The following MBD5 variants were observed in gnomAD, a reference collection of about 807,000 sequenced individuals.
The protein encoded by MBD5 is methyl-CpG-binding domain protein 5.
In MBD5, 13 loss-of-function variants were observed where a neutral mutation model predicts 117.3. The ratio of observed to expected loss-of-function variants is 0.11; its 90% CI spans 0.07 to 0.18. The LOEUF (loss-of-function observed/expected upper bound fraction) is 0.18. MBD5 is among the 10% of genes least tolerant of loss of function. The pLI is 1.00. For missense variants in MBD5, 1,879 were observed against 2,093.8 expected (o/e 0.90, Z 2.00); for synonymous variants, 727 against 766.4 (o/e 0.95, Z 0.85).
chr2:148,215,685 C>T (rs1382573081), intron 2 of MBD5, among the ~76,000 whole-genome samples: 1 of 125,558 alleles, frequency 8.0e-6, no homozygotes, highest in African/African-American at 3.2e-5. Flanking sequence ...CCATGCCCGG[C>T]TAATTTTTTT....
rs140522551 is a variant in MBD5, at chr2:148,462,651, G to A, written c.183G>A (p.Lys61=). The part of the protein sequence containing the change: ...KTYLLTDGTC[K]CGLECPLILP... ...ACCTGCTTACTGATGGAACATGCAAGTGTGGCTTGGAATGTCCTCTTATTC... is the reference window on the plus strand; with the variant it reads ...ACCTGCTTACTGATGGAACATGCAAATGTGGCTTGGAATGTCCTCTTATTC... The change falls in exon 6 of 14, where the codon AAG becomes AAA. Residue 61 remains lysine (K), a synonymous_variant. Coordinates refer to ENST00000642680, the MANE Select transcript of MBD5 (RefSeq NM_001378120.1). 13 of 1,612,628 alleles carry A rather than the reference G, an allele frequency of 8.1e-6. No homozygotes were observed. The highest frequency in any genetic ancestry group is 1.6e-4 in the Middle Eastern group (1 of 6,076).
chr2:148,182,473 T>A (rs776922494), intron 2 of MBD5, among the ~76,000 whole-genome samples: 2 of 152,200 alleles, frequency 1.3e-5, no homozygotes, highest in South Asian at 4.1e-4. Context: ...ATCTATATTT[T>A]TAAGTTAAAT....
chr2:148,206,808 G>A lies in MBD5; in HGVS notation c.-830-26437G>A, dbSNP rs144333479. Among the ~76,000 whole-genome samples the A allele has an allele frequency of 5.0e-4, 76 of 152,276 alleles. No individual in the cohort carries two copies. The East Asian group carries it at 0.014, about 27-fold the overall frequency. ...TTCAGTCAACAAAAATGTTAAGTGAGGTGAACACAGTCTCATTGTGAATAC... is the reference window on the plus strand; with the variant it reads ...TTCAGTCAACAAAAATGTTAAGTGAAGTGAACACAGTCTCATTGTGAATAC... On this transcript the variant is annotated intron_variant, in intron 2 of 13. Transcript: ENST00000642680.
chr2:148,490,567 A>C lies in MBD5; in HGVS notation c.4935A>C (p.Ser1645=), dbSNP rs149419174. The stretch of plus-strand genomic sequence containing the variant: ...TAAGAGAAGACGACGTTCACAATTC[A>C]TGTCAACAAAGCCCCGAGGAAGGGA... ...KLVREDDVHN[S]CQQSPEEGKV... The change falls in exon 11 of 14, where the codon TCA becomes TCC. Residue 1645 remains serine (S), a synonymous_variant. Transcript: ENST00000642680. The C allele has an allele frequency of 9.3e-6, 15 of 1,614,106 alleles. No homozygotes were observed. Among genetic ancestry groups the C allele is most frequent in the Non-Finnish European group, 1.3e-5 (15 of 1,180,036 alleles).
chr2:148,175,468 G>A (rs570317598), intron 1 of MBD5, among the ~76,000 whole-genome samples: 1 of 152,208 alleles, frequency 6.6e-6, no homozygotes, highest in Admixed American at 6.5e-5. Flanking sequence ...GATTGCACAG[G>A]AATAATAGAA....
chr2:148,200,031 C>G (rs1699098224), intron 2 of MBD5, among the ~76,000 whole-genome samples: 1 of 152,132 alleles, frequency 6.6e-6, no homozygotes, highest in Non-Finnish European at 1.5e-5. Context: ...TGCATATCCT[C>G]TTTTAAAATT....
chr2:148,307,991 A>G (rs1205201906), intron 3 of MBD5, among the ~76,000 whole-genome samples: 10 of 152,098 alleles, frequency 6.6e-5, no homozygotes, highest in Non-Finnish European at 1.5e-4. Context: ...TTACAGCTGC[A>G]TAGTATTCCA....
chr2:148,390,625 G>T (rs187827324), intron 4 of MBD5, among the ~76,000 whole-genome samples: 21 of 151,518 alleles, frequency 1.4e-4, no homozygotes, highest in Admixed American at 8.6e-4. Flanking sequence ...GCCCAGGCTG[G>T]AGTATAATGG....
intron 1 of MBD5, among the ~76,000 whole-genome samples, chr2:148,103,615 TG>T (rs1300914880): frequency 6.6e-6 from 1 of 152,184 alleles, no homozygotes; most frequent in Admixed American, 6.5e-5. Flanking sequence ...GCCCTTTCTT[TG>T]TTCTAGACCA....
chr2:148,112,870 G>A (rs529965141), intron 1 of MBD5, among the ~76,000 whole-genome samples: 21 of 152,208 alleles, frequency 1.4e-4, no homozygotes, highest in Admixed American at 7.2e-4. Context: ...TCATTGGCCA[G>A]GCATGGTGGC....
chr2:148,406,931 A>G (rs1705097011), intron 4 of MBD5, among the ~76,000 whole-genome samples: 1 of 151,854 alleles, frequency 6.6e-6, no homozygotes, highest in Non-Finnish European at 1.5e-5. Context: ...GCTCTCTTGA[A>G]CCCTTATTTC....
At chr2:148,354,596 A>C (rs1276336199) in intron 4 of MBD5, among the ~76,000 whole-genome samples, 1 of 152,218 alleles carries the variant, frequency 6.6e-6, no homozygotes, top group Admixed American at 6.5e-5. Flanking sequence ...GTGTCTTTAT[A>C]GTAGAATGAT....
chr2:148,182,177 A>G lies in MBD5; in HGVS notation c.-831+3384A>G, dbSNP rs182843972. The stretch of plus-strand genomic sequence containing the variant: ...ATACTTACAAAATGTTTTTTAATAT[A>G]TAACATTTACCAGATTAAGAAAGGT... On this transcript the variant is annotated intron_variant, in intron 2 of 13. Coordinates refer to ENST00000642680, the MANE Select transcript of MBD5 (RefSeq NM_001378120.1). Among the ~76,000 whole-genome samples, 431 of 152,168 alleles carry G rather than the reference A, an allele frequency of 2.8e-3. 1 individual carries two copies. The highest frequency in any genetic ancestry group is 4.7e-3 in the Non-Finnish European group (322 of 67,992).
At chr2:148,078,863 T>C (rs1695571831) in intron 1 of MBD5, among the ~76,000 whole-genome samples, 1 of 152,236 alleles carries the variant, frequency 6.6e-6, no homozygotes, top group Non-Finnish European at 1.5e-5. Context: ...ATCCTGACTT[T>C]ATGTTGGAAA....
At position 148,489,643 on chromosome 2, in the gene MBD5, C is replaced by T; in HGVS notation, c.4011C>T (p.Ile1337=). 1 of 1,614,166 alleles carries T rather than the reference C, an allele frequency of 6.2e-7. No homozygotes were observed. The highest frequency in any genetic ancestry group is 2.2e-5 in the East Asian group (1 of 44,880). Residue 1337 remains isoleucine (I), a synonymous_variant, in exon 11 of 14, where the codon ATC becomes ATT. Transcript: ENST00000642680. ...CCAGCAAAGGAATGCAGGTTGTCATCACCACTGCAGTCAACAGTACAACTC... is the reference window on the plus strand; with the variant it reads ...CCAGCAAAGGAATGCAGGTTGTCATTACCACTGCAGTCAACAGTACAACTC... The part of the protein sequence containing the change: ...DAASKGMQVV[I]TTAVNSTTQI...
Position 148,078,708 on chromosome 2 carries a change from C to G in MBD5, c.-925+57024C>G, listed in dbSNP as rs756527416. Among the ~76,000 whole-genome samples the G allele has an allele frequency of 7.9e-5, 12 of 152,142 alleles. 1 individual carries two copies. The South Asian group carries it at 8.3e-4, about 10-fold the overall frequency. ...TCCATTGGAACATCTAACATATATT[C>G]TTTGACTCTTTCAGAGCTGATATCT... On this transcript the variant is annotated intron_variant, in intron 1 of 13. Coordinates refer to ENST00000642680, the MANE Select transcript of MBD5 (RefSeq NM_001378120.1).
intron 3 of MBD5, among the ~76,000 whole-genome samples, chr2:148,259,045 C>T (rs1442960367): frequency 6.6e-6 from 1 of 152,176 alleles, no homozygotes; most frequent in Non-Finnish European, 1.5e-5. Context: ...ATCATCTGGC[C>T]TCTGAGTATT....
At chr2:148,478,881 T>G (rs1050627461) in intron 8 of MBD5, among the ~76,000 whole-genome samples, 2 of 152,214 alleles carry the variant, frequency 1.3e-5, no homozygotes, top group African/African-American at 4.8e-5. Flanking sequence ...ATAATTTGCT[T>G]CTTAAAAATC....
intron 11 of MBD5, among the ~76,000 whole-genome samples, chr2:148,498,691 C>G (rs1345912899): frequency 6.6e-6 from 1 of 152,146 alleles, no homozygotes. Context: ...TGGTTTGGCT[C>G]TCTGAAAGGT....
Sources: allele counts gnomAD v4.1 joint callset (sites outside exome capture counted in the v4.1 genomes callset), GRCh38; gene constraint gnomAD v4.1.1; transcripts MANE v1.5; gene names NCBI Gene and HGNC (gene_info 2026-07-23, HGNC 2026-07-21).